ZBTB24: variants seen among roughly 807,000 people sequenced by gnomAD.
ZBTB24 encodes the protein zinc finger and BTB domain-containing protein 24.
Under a neutral mutation model 53.8 loss-of-function variants are expected in ZBTB24, and 32 were observed. That is an observed-to-expected ratio of 0.60 (90% confidence interval 0.45 to 0.80). The LOEUF (loss-of-function observed/expected upper bound fraction) is 0.80, where lower values mean the gene tolerates loss of function less well. Among genes scored for constraint, ZBTB24 ranks in the 30% least tolerant of loss-of-function variants. The pLI is 0.00. For synonymous variants in ZBTB24, 297 were observed against 306.7 expected (o/e 0.97, Z 0.33); for missense variants, 722 against 837.1 (o/e 0.86, Z 1.70).
chr6:109,471,598 G>A (rs1382448097), intron 5 of ZBTB24, among the ~76,000 whole-genome samples: 2 of 152,154 alleles, frequency 1.3e-5, no homozygotes, highest in South Asian at 2.1e-4. Context: ...GGACACTGGC[G>A]GGGTGGGACT....
chr6:109,482,429 G>A lies in ZBTB24; in HGVS notation c.-28-375C>T, dbSNP rs1367066365. ...TGCCGTGAGCCGTGATCGTGCCACT[G>A]CACTCCAGCCTGGGCGACAGAACGA... On this transcript the variant is annotated intron_variant, in intron 1 of 6. Coordinates refer to ENST00000230122, the MANE Select transcript of ZBTB24 (RefSeq NM_014797.3). Among the ~76,000 whole-genome samples the A allele has an allele frequency of 3.9e-5, 6 of 152,000 alleles. No homozygotes were observed. The East Asian group carries it at 9.8e-4, about 25-fold the overall frequency.
At position 109,463,796 on chromosome 6, in the gene ZBTB24, T is replaced by G. The variant is rs566957309; in HGVS notation, c.*2055A>C. The G allele has an allele frequency of 6.6e-6, 1 of 152,216 alleles. No homozygotes were observed. Among genetic ancestry groups the G allele is most frequent in the Admixed American group, 6.5e-5 (1 of 15,284 alleles). 9.4% of individuals were successfully genotyped at this position (152,216 alleles called of 1,614,324 possible). Reference sequence around the variant, plus strand: ...TTTATATGTTGAAATATTTGGCAAATGTTGGATTAAATAAACTTTTATTAA... The same window carrying G: ...TTTATATGTTGAAATATTTGGCAAAGGTTGGATTAAATAAACTTTTATTAA... On this transcript the variant is annotated 3_prime_UTR_variant, in exon 7 of 7. Transcript: ENST00000230122.
intron 5 of ZBTB24, 87 bp downstream of exon 5, chr6:109,475,312 G>C: frequency 1.4e-6 from 2 of 1,477,094 alleles, no homozygotes; most frequent in East Asian, 4.5e-5. Flanking sequence ...TCCAAACACA[G>C]GCTTAGCAGG....
chr6:109,469,074 C>T (rs1300126947), intron 5 of ZBTB24, among the ~76,000 whole-genome samples: 1 of 152,218 alleles, frequency 6.6e-6, no homozygotes, highest in African/African-American at 2.4e-5. Flanking sequence ...CAAGACATTT[C>T]TCCAAGCTCC....
chr6:109,482,801 C>T (rs1211124406), intron 1 of ZBTB24, among the ~76,000 whole-genome samples: 1 of 152,200 alleles, frequency 6.6e-6, no homozygotes, highest in African/African-American at 2.4e-5. Flanking sequence ...TTAGCCATTT[C>T]GTATGTGGGA....
intron 5 of ZBTB24, among the ~76,000 whole-genome samples, chr6:109,468,140 T>G (rs553775860): frequency 6.6e-6 from 1 of 152,128 alleles, no homozygotes; most frequent in Non-Finnish European, 1.5e-5. Flanking sequence ...GTATTATTCA[T>G]GTTTATATCA....
rs1218504698 is a variant in ZBTB24, at chr6:109,463,278, C to A, written c.*2573G>T. 1 of 152,250 alleles carries A rather than the reference C, an allele frequency of 6.6e-6. No homozygotes were observed. Among genetic ancestry groups the A allele is most frequent in the East Asian group, 1.9e-4 (1 of 5,202 alleles). 9.4% of individuals were successfully genotyped at this position (152,250 alleles called of 1,614,324 possible). A position where few individuals can be genotyped will look rare whatever the true frequency, so the allele number is the denominator to read the frequency against. ...GGGATTACAGGCATGAGCCTCCACG[C>A]CCGGCGTCATTGAACTTTTTTATTC... is the stretch of plus-strand genomic sequence containing the variant. On this transcript the variant is annotated 3_prime_UTR_variant, in exon 7 of 7. Transcript: ENST00000230122.
intron 5 of ZBTB24, 130 bp from the exon 6 acceptor site, chr6:109,467,864 C>T (rs886240598): frequency 2.7e-5 from 28 of 1,050,190 alleles, no homozygotes; most frequent in Admixed American, 4.9e-5. Flanking sequence ...CAATCCCCTC[C>T]GTAAGCGTAA....
chr6:109,476,935 A>C lies in ZBTB24; in HGVS notation c.953-5T>G. ...TACATTTGAAAGGTCGCTCCCCTGG[A>C]AGAAGAGCCCCAGAAGCATGGTATA... On this transcript the variant is annotated splice_region_variant and splice_polypyrimidine_tract_variant and intron_variant, in intron 2 of 6. Transcript: ENST00000230122. The C allele has an allele frequency of 1.9e-6, 3 of 1,613,842 alleles. No homozygotes were observed. The highest frequency in any genetic ancestry group is 1.7e-6 in the Non-Finnish European group (2 of 1,179,962).
In ZBTB24 at chr6:109,465,108, A is replaced by C. The variant is rs1776001715; in HGVS notation, c.*743T>G. The C allele has an allele frequency of 1.3e-5, 2 of 152,384 alleles. No individual in the cohort carries two copies. The highest frequency in any genetic ancestry group is 1.3e-4 in the Admixed American group (2 of 15,310). 9.4% of individuals were successfully genotyped at this position (152,384 alleles called of 1,614,324 possible). A position where few individuals can be genotyped will look rare whatever the true frequency, so the allele number is the denominator to read the frequency against. ...AATTTTGTATTTTAAACTTAATTAA[A>C]ATTTTGATAGCCTTCTGTTGAAAAA... On this transcript the variant is annotated 3_prime_UTR_variant, in exon 7 of 7. Transcript: ENST00000230122.
intron 5 of ZBTB24, 106 bp from the exon 6 acceptor site, chr6:109,467,840 A>G (rs1254754684): frequency 9.2e-6 from 12 of 1,307,798 alleles, no homozygotes; most frequent in Non-Finnish European, 1.3e-5. Flanking sequence ...TTCACAATAT[A>G]AACAGAACAA....
At chr6:109,474,299 GCCT>G (rs745724544) in intron 5 of ZBTB24, among the ~76,000 whole-genome samples, 2 of 152,140 alleles carry the variant, frequency 1.3e-5, no homozygotes, top group Non-Finnish European at 1.5e-5. Flanking sequence ...AATCAATGCT[GCCT>G]CCTCGTCATC....
chr6:109,474,032 T>A (rs1393734878), intron 5 of ZBTB24, among the ~76,000 whole-genome samples: 2 of 142,390 alleles, frequency 1.4e-5, no homozygotes, highest in East Asian at 4.0e-4. Context: ...GAGGTTACAG[T>A]GAGCCAAGAT....
At chr6:109,473,572 A>G (rs1483454360) in intron 5 of ZBTB24, among the ~76,000 whole-genome samples, 3 of 152,096 alleles carry the variant, frequency 2.0e-5, no homozygotes, top group Admixed American at 1.3e-4. Flanking sequence ...TTATTCTTCA[A>G]CGCACTCACA....
At chr6:109,480,854 C>A (rs748686849) in intron 2 of ZBTB24, 42 of 810,054 alleles carry the variant, frequency 5.2e-5, no homozygotes, top group Non-Finnish European at 6.3e-5. Context: ...ACTTTAGCAA[C>A]CCTCTCTTAC....
Position 109,481,841 on chromosome 6 carries a change from G to C in ZBTB24, c.186C>G (p.Phe62Leu), listed in dbSNP as rs2115367415. 1 of 1,614,194 alleles carries C rather than the reference G, an allele frequency of 6.2e-7. No individual in the cohort carries two copies. Among genetic ancestry groups the C allele is most frequent in the Non-Finnish European group, 8.5e-7 (1 of 1,180,034 alleles). Residue 62 changes from phenylalanine to leucine, a missense_variant, in exon 2 of 7, where the codon TTC becomes TTG. Transcript: ENST00000230122. ...KALLAASSEY[F>L]SMMFAEEGEI... is the part of the protein sequence containing the mutation. The stretch of plus-strand genomic sequence containing the variant: ...CCCCCTCTTCTGCAAACATCATTGA[G>C]AAGTATTCACTACTGGCAGCAAGTA...
chr6:109,465,552 G>T lies in ZBTB24; in HGVS notation c.*299C>A. 1.7e-6 allele frequency: 2 copies of T among 1,183,160 alleles called. No homozygotes were observed. The highest frequency in any genetic ancestry group is 2.4e-6 in the Non-Finnish European group (2 of 846,852). 73.3% of individuals were successfully genotyped at this position (1,183,160 alleles called of 1,614,324 possible). On this transcript the variant is annotated 3_prime_UTR_variant, in exon 7 of 7. Coordinates refer to ENST00000230122, the MANE Select transcript of ZBTB24 (RefSeq NM_014797.3). Reference sequence around the variant, plus strand: ...TGGCTGTGAACATTTAAACCTTACAGAAAAACTGAGATCAATGCCCCCAAA... The same window carrying T: ...TGGCTGTGAACATTTAAACCTTACATAAAAACTGAGATCAATGCCCCCAAA...
Position 109,481,533 on chromosome 6 carries a change from G to T in ZBTB24, c.494C>A (p.Pro165Gln). 1 of 1,613,978 alleles carries T rather than the reference G, an allele frequency of 6.2e-7. No individual in the cohort carries two copies. The highest frequency in any genetic ancestry group is 8.5e-7 in the Non-Finnish European group (1 of 1,179,998). Residue 165 changes from proline (P) to glutamine (Q), a missense_variant, in exon 2 of 7, where the codon CCA becomes CAA. Coordinates refer to ENST00000230122, the MANE Select transcript of ZBTB24 (RefSeq NM_014797.3). Reference protein sequence around the residue: ...NDPPKRKRGRPKKVNTLQEEK... With the variant: ...NDPPKRKRGRQKKVNTLQEEK... ...CTCCTGCAATGTATTGACTTTTTTTGGTCTTCCCCGTTTCCGCTTTGGAGG... is the reference window on the plus strand; with the variant it reads ...CTCCTGCAATGTATTGACTTTTTTTTGTCTTCCCCGTTTCCGCTTTGGAGG...
At chr6:109,469,574 AC>A (rs1776124347) in intron 5 of ZBTB24, among the ~76,000 whole-genome samples, 1 of 152,178 alleles carries the variant, frequency 6.6e-6, no homozygotes, top group African/African-American at 2.4e-5. Context: ...GCACAGCTCT[AC>A]CACCTTCAAT....
Sources: gnomAD v4.1 joint callset for allele counts (sites outside exome capture counted in the v4.1 genomes callset) on GRCh38, gnomAD v4.1.1 for gene constraint, MANE v1.5 for transcripts, NCBI Gene and HGNC (gene_info 2026-07-23, HGNC 2026-07-21) for gene names.